PALLD: variants seen among roughly 807,000 people sequenced by gnomAD.
PALLD encodes the protein palladin, cytoskeletal associated protein.
PALLD carries 61 observed loss-of-function variants against 123.5 expected under a neutral mutation model. That is an observed-to-expected ratio of 0.49 (90% CI 0.40 to 0.61). The LOEUF is 0.61. Among genes scored for constraint, PALLD ranks in the 20% least tolerant of loss-of-function variants. The pLI, the probability that PALLD is intolerant of heterozygous loss-of-function variation, is 0.00. For missense variants in PALLD, 1,273 were observed against 1,377.0 expected, an observed-to-expected ratio of 0.92 and a Z score of 1.20; for synonymous variants, 465 against 496.4, an observed-to-expected ratio of 0.94 and a Z score of 0.84.
At chr4:168,762,467 C>T (rs1204345652) in intron 10 of PALLD, among the ~76,000 whole-genome samples, 1 of 151,476 alleles carries the variant, frequency 6.6e-6, no homozygotes, top group Non-Finnish European at 1.5e-5. Flanking sequence ...GAGTGAGACC[C>T]TATCCCAAAA....
chr4:168,718,000 C>G (rs1389982731), intron 10 of PALLD, among the ~76,000 whole-genome samples: 2 of 152,172 alleles, frequency 1.3e-5, no homozygotes, highest in Non-Finnish European at 2.9e-5. Flanking sequence ...TGCAATCACA[C>G]TGCTATTTCA....
At chr4:168,739,256 G>C (rs1316540673) in intron 10 of PALLD, among the ~76,000 whole-genome samples, 1 of 152,160 alleles carries the variant, frequency 6.6e-6, no homozygotes, top group Non-Finnish European at 1.5e-5. Flanking sequence ...TTGATATACT[G>C]ATTCATTTTC....
chr4:168,635,977 A>G (rs1776308923), intron 2 of PALLD, among the ~76,000 whole-genome samples: 1 of 152,218 alleles, frequency 6.6e-6, no homozygotes, highest in Non-Finnish European at 1.5e-5. Context: ...ACCTTGAACC[A>G]GCTATTTAGT....
In PALLD at chr4:168,921,663, C is replaced by T. The variant is rs151071844; in HGVS notation, c.2980C>T (p.Arg994Cys). The T allele has an allele frequency of 5.4e-5, 87 of 1,610,468 alleles. No homozygotes were observed. Among genetic ancestry groups the T allele is most frequent in the Non-Finnish European group, 6.6e-5 (78 of 1,179,440 alleles). ...TCTGATCATAGAGCCAGTCACGTCA[C>T]GTGATGCCGGCATCTACACATGTAT... ...HSLIIEPVTS[R>C]DAGIYTCIAT... Residue 994 changes from arginine to cysteine, a missense_variant, in exon 18 of 22, where the codon CGT becomes TGT. Physicochemically the swap from Arg to Cys is radical, Grantham distance 180. This residue lies in a region of PALLD where 329 missense variants were observed against 422.5 expected (regional missense o/e 0.78). Coordinates refer to ENST00000505667, the MANE Select transcript of PALLD (RefSeq NM_001166108.2).
chr4:168,614,546 A>G (rs1438867032), intron 2 of PALLD, among the ~76,000 whole-genome samples: 2 of 152,226 alleles, frequency 1.3e-5, no homozygotes, highest in Admixed American at 1.3e-4. Flanking sequence ...AAAAAAAAAT[A>G]CTTTGTAAGT....
chr4:168,913,883 A>G (rs1398650674), intron 15 of PALLD, 44 bp from the exon 16 acceptor site: 5 of 1,255,596 alleles, frequency 4.0e-6, no homozygotes, highest in Non-Finnish European at 5.9e-6. Flanking sequence ...TTAGTGGTTA[A>G]TAGTTTTAAA....
intron 3 of PALLD, among the ~76,000 whole-genome samples, chr4:168,669,553 G>A (rs577362468): frequency 6.6e-6 from 1 of 152,164 alleles, no homozygotes; most frequent in South Asian, 2.1e-4. Context: ...GAGTTATGAT[G>A]ATACCACTGC....
chr4:168,794,494 GCACA>G (rs148394196), intron 10 of PALLD, among the ~76,000 whole-genome samples: 1 of 135,762 alleles, frequency 7.4e-6, no homozygotes, highest in African/African-American at 2.9e-5. Flanking sequence ...ACACATGCAC[GCACA>G]CACACACGCA....
At chr4:168,517,655 T>C (rs1450017546) in intron 2 of PALLD, among the ~76,000 whole-genome samples, 1 of 152,178 alleles carries the variant, frequency 6.6e-6, no homozygotes, top group African/African-American at 2.4e-5. Context: ...TAAGAAAATA[T>C]GGTATCTCCC....
intron 2 of PALLD, among the ~76,000 whole-genome samples, chr4:168,581,142 T>TA (rs932830141): frequency 7.3e-5 from 11 of 151,220 alleles, no homozygotes; most frequent in East Asian, 1.9e-4. Flanking sequence ...GTTACAATAT[T>TA]AAAAAAAAAT....
intron 2 of PALLD, among the ~76,000 whole-genome samples, chr4:168,623,410 C>T (rs35215686): frequency 0.27 from 41,250 of 152,198 alleles, 6,949 homozygotes; most frequent in East Asian, 0.45. Flanking sequence ...TGAAATATCA[C>T]TTTAATGCTC....
intron 2 of PALLD, among the ~76,000 whole-genome samples, chr4:168,569,671 T>G (rs935526545): frequency 1.2e-4 from 18 of 152,160 alleles, no homozygotes; most frequent in African/African-American, 1.7e-4. Flanking sequence ...CGTTCTCTAA[T>G]CATGTAATGA....
chr4:168,811,776 TCACACACACACACA>T lies in PALLD; in HGVS notation c.1965-79125_1965-79112del, dbSNP rs58914714. Reference sequence around the variant, plus strand: ...CTCTCTTTCTCTCTCTCTCTCTCTCTCACACACACACACACACACACACACACACACACATTTAT... The same window carrying T: ...CTCTCTTTCTCTCTCTCTCTCTCTCTCACACACACACACACACACATTTAT... On this transcript the variant is annotated intron_variant, in intron 10 of 21. Coordinates refer to ENST00000505667, the MANE Select transcript of PALLD (RefSeq NM_001166108.2). 8.8e-3 allele frequency among the ~76,000 whole-genome samples: 1,261 copies of T among 143,750 alleles called. 8 individuals are homozygous for T. The highest frequency in any genetic ancestry group is 0.024 in the South Asian group (104 of 4,408). 94.3% of individuals were successfully genotyped at this position (143,750 alleles called of 152,430 possible).
intron 10 of PALLD, among the ~76,000 whole-genome samples, chr4:168,752,248 C>T (rs1331055536): frequency 1.5e-4 from 23 of 152,222 alleles, no homozygotes; most frequent in East Asian, 1.9e-4. Flanking sequence ...GCGGCATGCG[C>T]CTGTAGTCCC....
At chr4:168,910,645 A>G (rs563676365) in intron 15 of PALLD, among the ~76,000 whole-genome samples, 3 of 152,262 alleles carry the variant, frequency 2.0e-5, no homozygotes, top group Admixed American at 2.0e-4. Context: ...AATGCCTTTA[A>G]TCTTCATAAG....
intron 2 of PALLD, among the ~76,000 whole-genome samples, chr4:168,526,284 C>T (rs771338583): frequency 6.6e-6 from 1 of 152,192 alleles, no homozygotes; most frequent in Non-Finnish European, 1.5e-5. Flanking sequence ...TGTTTTTTCT[C>T]TTTGCCTTTG....
At chr4:168,706,963 T>A (rs1784288867) in intron 8 of PALLD, among the ~76,000 whole-genome samples, 2 of 152,212 alleles carry the variant, frequency 1.3e-5, no homozygotes. Flanking sequence ...ATTTACACTT[T>A]ATTTTATACT....
intron 2 of PALLD, among the ~76,000 whole-genome samples, chr4:168,656,260 C>T (rs928206073): frequency 6.4e-4 from 74 of 116,442 alleles, no homozygotes; most frequent in African/African-American, 1.9e-3. Context: ...CCACCCCCAA[C>T]GCTTTGGAGC....
chr4:168,519,910 T>G (rs1019674059), intron 2 of PALLD, among the ~76,000 whole-genome samples: 2 of 152,196 alleles, frequency 1.3e-5, no homozygotes, highest in Non-Finnish European at 2.9e-5. Context: ...AAATCTTTTT[T>G]TTTTTCTGTG....
Sources: gnomAD v4.1 joint callset for allele counts (sites outside exome capture counted in the v4.1 genomes callset) on GRCh38, gnomAD v4.1.1 for gene constraint, gnomAD v4.1.1 regional missense constraint, MANE v1.5 for transcripts, NCBI Gene and HGNC (gene_info 2026-07-23, HGNC 2026-07-21) for gene names.